The following BBX variants were observed in gnomAD, a reference collection of about 807,000 sequenced individuals.
BBX encodes BBX high mobility group box domain containing.
Under a neutral mutation model 100.2 loss-of-function variants are expected in BBX, and 30 were observed. That is an observed-to-expected ratio of 0.30 (90% CI 0.22 to 0.41). The LOEUF (loss-of-function observed/expected upper bound fraction) is 0.41, where lower values mean the gene tolerates loss of function less well. Among genes scored for constraint, BBX ranks in the 10% least tolerant of loss-of-function variants. The probability of loss-of-function intolerance (pLI) is 1.00; values close to 1 mark genes in which losing one functional copy is unlikely to be tolerated. For missense variants in BBX, 1,023 were observed against 1,129.8 expected (o/e 0.91, Z 1.35); for synonymous variants, 376 against 388.1 (o/e 0.97, Z 0.37).
intron 3 of BBX, among the ~76,000 whole-genome samples, chr3:107,647,063 C>T (rs574731291): frequency 2.0e-5 from 3 of 152,262 alleles, no homozygotes; most frequent in East Asian, 3.9e-4. Context: ...TTTTCTTCTT[C>T]ACTGTGCTAT....
chr3:107,716,584 G>A (rs750090973), intron 4 of BBX, 23 bp from the exon 5 acceptor site: 2 of 1,606,194 alleles, frequency 1.2e-6, no homozygotes, highest in East Asian at 2.2e-5. Flanking sequence ...TTAAAGATCT[G>A]GCTTTGTTTT....
Position 107,557,390 on chromosome 3 carries a change from T to C in BBX, c.-84+30992T>C, listed in dbSNP as rs1576296518. On this transcript the variant is annotated intron_variant, in intron 2 of 17. Coordinates refer to ENST00000325805, the MANE Select transcript of BBX (RefSeq NM_001142568.3). ...TCGTTAGCTAAAGCCTAACATTAGT[T>C]AGAGAAATTGGCTAATGACCATTAT... 2.0e-5 allele frequency among the ~76,000 whole-genome samples: 3 copies of C among 152,306 alleles called. No individual in the cohort carries two copies. In the East Asian group the frequency reaches 5.8e-4, roughly 29 times the overall value.
At chr3:107,607,024 T>C (rs1294141317) in intron 2 of BBX, among the ~76,000 whole-genome samples, 1 of 152,192 alleles carries the variant, frequency 6.6e-6, no homozygotes, top group East Asian at 1.9e-4. Flanking sequence ...AAACATATGA[T>C]GTTTGTCTTT....
intron 2 of BBX, among the ~76,000 whole-genome samples, chr3:107,541,691 T>TA (rs2048877855): frequency 6.6e-6 from 1 of 152,168 alleles, no homozygotes; most frequent in Non-Finnish European, 1.5e-5. Context: ...TTTCTGAAGT[T>TA]ACAATGAAAA....
At chr3:107,540,782 G>A (rs936509414) in intron 2 of BBX, among the ~76,000 whole-genome samples, 1 of 152,022 alleles carries the variant, frequency 6.6e-6, no homozygotes, top group African/African-American at 2.4e-5. Flanking sequence ...CACTAAAGTT[G>A]GGATATGTCC....
At chr3:107,804,230 T>C (rs1273340408) in intron 17 of BBX, among the ~76,000 whole-genome samples, 1 of 152,206 alleles carries the variant, frequency 6.6e-6, no homozygotes, top group African/African-American at 2.4e-5. Flanking sequence ...TTTTTCTTTT[T>C]TGTGCATCAA....
At chr3:107,740,609 T>C (rs900906948) in intron 7 of BBX, among the ~76,000 whole-genome samples, 1 of 152,136 alleles carries the variant, frequency 6.6e-6, no homozygotes, top group African/African-American at 2.4e-5. Context: ...AACTTCTTCA[T>C]GTAGAATTCA....
Position 107,548,572 on chromosome 3 carries a change from G to A in BBX, c.-84+22174G>A, listed in dbSNP as rs375394761. Among the ~76,000 whole-genome samples, 142 of 152,312 alleles carry A rather than the reference G, an allele frequency of 9.3e-4. 4 individuals are homozygous for A. In the South Asian group the frequency reaches 0.028, roughly 30 times the overall value. ...TATTTAAATAGTTCCACTGTGGAAA[G>A]CAGTTAGGAGATTTCTCAAAGAACT... is the stretch of plus-strand genomic sequence containing the variant. On this transcript the variant is annotated intron_variant, in intron 2 of 17. Transcript: ENST00000325805.
intron 3 of BBX, among the ~76,000 whole-genome samples, chr3:107,647,692 CAT>C (rs2107793721): frequency 6.6e-6 from 1 of 152,254 alleles, no homozygotes; most frequent in South Asian, 2.1e-4. Context: ...ATCTGGGAAA[CAT>C]ATCAGTCAAC....
chr3:107,743,508 C>G (rs1355014222), intron 7 of BBX, among the ~76,000 whole-genome samples: 2 of 152,164 alleles, frequency 1.3e-5, no homozygotes, highest in Non-Finnish European at 2.9e-5. Flanking sequence ...GTGCTTATCT[C>G]TGGGAGAAGG....
chr3:107,557,619 A>G (rs1474370190), intron 2 of BBX, among the ~76,000 whole-genome samples: 5 of 152,236 alleles, frequency 3.3e-5, no homozygotes, highest in Non-Finnish European at 5.9e-5. Context: ...CTGATGACCT[A>G]TTCCCGGCTT....
At chr3:107,748,652 C>T (rs1164585431) in intron 9 of BBX, among the ~76,000 whole-genome samples, 1 of 152,118 alleles carries the variant, frequency 6.6e-6, no homozygotes, top group Non-Finnish European at 1.5e-5. Context: ...CTTGATTTTG[C>T]CACAGGAGCC....
chr3:107,773,236 T>C lies in BBX; in HGVS notation c.1515T>C (p.Asp505=), dbSNP rs199924371. Residue 505 remains aspartate, a synonymous_variant, in exon 11 of 18, where the codon GAT becomes GAC. Coordinates refer to ENST00000325805, the MANE Select transcript of BBX (RefSeq NM_001142568.3). This position sits in a 1 kb window ranked among gnomAD's most constrained non-coding sequence, Gnocchi z 4.1. The stretch of plus-strand genomic sequence containing the variant: ...ACTGGGGCATAGAGAAACTTGGAGA[T>C]ACCCCTCGCAAGAAGGTCCGCACAT... ...KGDWGIEKLG[D]TPRKKVRTSS... is the part of the protein sequence containing the mutation. 3.3e-4 allele frequency: 527 copies of C among 1,613,854 alleles called. No individual in the cohort carries two copies. Among genetic ancestry groups the C allele is most frequent in the Non-Finnish European group, 4.3e-4 (513 of 1,179,980 alleles).
At chr3:107,710,415 C>G in intron 3 of BBX, 37 bp from the exon 4 acceptor site, 1 of 1,505,654 alleles carries the variant, frequency 6.6e-7, no homozygotes, top group Non-Finnish European at 9.0e-7. Context: ...CTTTCTCTCC[C>G]TGTTTCCCTG....
chr3:107,782,228 C>G (rs1266777708), intron 13 of BBX, among the ~76,000 whole-genome samples: 1 of 152,100 alleles, frequency 6.6e-6, no homozygotes, highest in Non-Finnish European at 1.5e-5. Context: ...TTGATTGTGA[C>G]TGATTGACTC....
chr3:107,657,794 T>G (rs1000290970), intron 3 of BBX, among the ~76,000 whole-genome samples: 4 of 152,118 alleles, frequency 2.6e-5, no homozygotes, highest in African/African-American at 7.2e-5. Flanking sequence ...AGATTCAGAC[T>G]GAACATAGGT....
intron 5 of BBX, among the ~76,000 whole-genome samples, chr3:107,720,445 T>G (rs748376437): frequency 3.9e-5 from 6 of 151,918 alleles, no homozygotes; most frequent in Non-Finnish European, 8.8e-5. Flanking sequence ...GTATAAGGAT[T>G]CAGAGAGAAG....
At chr3:107,584,248 A>G (rs1210195516) in intron 2 of BBX, among the ~76,000 whole-genome samples, 3 of 115,962 alleles carry the variant, frequency 2.6e-5, no homozygotes, top group Non-Finnish European at 1.7e-5. Context: ...TAAAGTATAA[A>G]TTATACTTTA....
intron 4 of BBX, among the ~76,000 whole-genome samples, chr3:107,714,660 C>G (rs929704672): frequency 2.0e-5 from 3 of 152,028 alleles, no homozygotes; most frequent in Non-Finnish European, 4.4e-5. Flanking sequence ...AATATGTAGG[C>G]TTCACCCCAA....
Sources: gnomAD v4.1 joint callset for allele counts (sites outside exome capture counted in the v4.1 genomes callset) on GRCh38, gnomAD v4.1.1 for gene constraint, Gnocchi (gnomAD v3.1) non-coding constraint, MANE v1.5 for transcripts, NCBI Gene and HGNC (gene_info 2026-07-23, HGNC 2026-07-21) for gene names.